The following PCDHGA7 variants were observed in gnomAD, a reference collection of about 807,000 sequenced individuals.
PCDHGA7 encodes the protein protocadherin gamma-A7.
Under a neutral mutation model 58.3 loss-of-function variants are expected in PCDHGA7, and 44 were observed. The observed-to-expected ratio is 0.75, with a 90% CI of 0.59 to 0.97. PCDHGA7 has a LOEUF of 0.97. Among genes scored for constraint, PCDHGA7 ranks in the 50% least tolerant of loss-of-function variants. PCDHGA7 has a pLI of 0.00. For synonymous variants in PCDHGA7, 516 were observed against 504.2 expected (o/e 1.02, Z -0.31); for missense variants, 1,266 against 1,188.7 (o/e 1.06, Z -0.96).
intron 2 of PCDHGA7, among the ~76,000 whole-genome samples, chr5:141,497,132 G>T (rs2099774325): frequency 6.6e-6 from 1 of 152,046 alleles, no homozygotes; most frequent in Non-Finnish European, 1.5e-5. Context: ...GTTGCAGTGA[G>T]CTGAGATCAC....
intron 1 of PCDHGA7, chr5:141,433,023 A>C: frequency 6.2e-7 from 1 of 1,614,084 alleles, no homozygotes; most frequent in East Asian, 2.2e-5. Context: ...ACCTATTCCC[A>C]CGAGGTTTCC....
chr5:141,508,725 G>C (rs1447443196), intron 3 of PCDHGA7, among the ~76,000 whole-genome samples: 1 of 151,788 alleles, frequency 6.6e-6, no homozygotes, highest in Non-Finnish European at 1.5e-5. Flanking sequence ...TGTGCAGGGA[G>C]ACTACACCCC....
chr5:141,404,630 C>T (rs1391155615), intron 1 of PCDHGA7: 1 of 1,614,154 alleles, frequency 6.2e-7, no homozygotes, highest in Admixed American at 1.7e-5. Flanking sequence ...TGACAATGCC[C>T]CAGAAATCCT....
chr5:141,395,547 TGTGTGTGTGTGTGTGTGTGTGTG>T, intron 1 of PCDHGA7: 1 of 173,894 alleles, frequency 5.8e-6, no homozygotes, highest in Non-Finnish European at 1.2e-5. Context: ...ATTGTTTGTG[TGTGTGTGTGTGTGTGTGTGTGTG>T]TGTGTGTGTG....
Position 141,384,278 on chromosome 5 carries a change from A to T in PCDHGA7, c.1379A>T (p.Tyr460Phe). The change falls in exon 1 of 4, where the codon TAC (tyrosine) becomes TTC (phenylalanine). Residue 460 changes from tyrosine (Y) to phenylalanine (F), a missense_variant. By Grantham distance (22) the Tyr-to-Phe change is conservative (BLOSUM62 3). Coordinates refer to ENST00000518325, the MANE Select transcript of PCDHGA7 (RefSeq NM_018920.4). ...TTCCCCCACTCATCCTACTCAGTCT[A>T]CATCGCTGAGAACAACCCCAGAGGG... ...PTFPHSSYSV[Y>F]IAENNPRGAS... The T allele has an allele frequency of 6.2e-7, 1 of 1,613,842 alleles. No individual in the cohort carries two copies. Among genetic ancestry groups the T allele is most frequent in the Non-Finnish European group, 8.5e-7 (1 of 1,179,882 alleles).
rs758065876 is a variant in PCDHGA7 at position 141,422,916 on chromosome 5, C to A, written c.2424+37593C>A. 5.6e-6 allele frequency: 9 copies of A among 1,614,260 alleles called. No homozygotes were observed. In the South Asian group the frequency reaches 9.9e-5, roughly 18 times the overall value. ...ACCAGAACGACAATGCGCCCGAGAT[C>A]CTGTACCCTGCCCTCCCCACAGACG... On this transcript the variant is annotated intron_variant, in intron 1 of 3. Coordinates refer to ENST00000518325, the MANE Select transcript of PCDHGA7 (RefSeq NM_018920.4).
At position 141,490,370 on chromosome 5, in the gene PCDHGA7, G is replaced by A. The variant is rs768474199; in HGVS notation, c.2425-4437G>A. Reference sequence around the variant, plus strand: ...GTGGGGTTGTTTAATGTGCGAGACCGGGACTCAGGTAGAAATGGTGAAGTG... The same window carrying A: ...GTGGGGTTGTTTAATGTGCGAGACCAGGACTCAGGTAGAAATGGTGAAGTG... On this transcript the variant is annotated intron_variant, in intron 1 of 3. Coordinates refer to ENST00000518325, the MANE Select transcript of PCDHGA7 (RefSeq NM_018920.4). The surrounding 1 kb of genome is among the most constrained non-coding windows in gnomAD (Gnocchi z 5.4). 32 of 1,614,054 alleles carry A rather than the reference G, an allele frequency of 2.0e-5. No homozygotes were observed. The highest frequency in any genetic ancestry group is 1.0e-4 in the Admixed American group (6 of 60,006).
rs144113016 is a variant in PCDHGA7 at position 141,428,135 on chromosome 5, G to T, written c.2424+42812G>T. On this transcript the variant is annotated intron_variant, in intron 1 of 3. Coordinates refer to ENST00000518325, the MANE Select transcript of PCDHGA7 (RefSeq NM_018920.4). Reference sequence around the variant, plus strand: ...CCATCGAGCCCGGGCTTTTCAGCCTGGGGCTGCACACGGGAACCTGCTGGT... The same window carrying T: ...CCATCGAGCCCGGGCTTTTCAGCCTTGGGCTGCACACGGGAACCTGCTGGT... 347 of 1,601,046 alleles carry T rather than the reference G, an allele frequency of 2.2e-4. No homozygotes were observed. The African/African-American group carries it at 3.9e-3, about 18-fold the overall frequency.
At chr5:141,388,706 TGCC>T (rs2091460898) in intron 1 of PCDHGA7, 2 of 1,613,856 alleles carry the variant, frequency 1.2e-6, no homozygotes, top group Non-Finnish European at 1.7e-6. Flanking sequence ...AGGGTGTCAA[TGCC>T]GAGATTACTT....
intron 1 of PCDHGA7, among the ~76,000 whole-genome samples, chr5:141,448,728 C>T (rs575604763): frequency 6.6e-6 from 1 of 151,986 alleles, no homozygotes; most frequent in Non-Finnish European, 1.5e-5. Context: ...ATCACGAGGT[C>T]AGGAGATCGA....
rs1236074950 is a variant in PCDHGA7 at position 141,489,119 on chromosome 5, C to G, written c.2425-5688C>G. On this transcript the variant is annotated intron_variant, in intron 1 of 3. Transcript: ENST00000518325. This position sits in a 1 kb window ranked among gnomAD's most constrained non-coding sequence, Gnocchi z 4.5. ...GAACTGCTGCAAGCAGGCAAACCTC[C>G]GAGCAGTTTTTAAGAGGCTGGAAGG... The G allele has an allele frequency of 1.5e-6, 1 of 650,358 alleles. No individual in the cohort carries two copies. Among genetic ancestry groups the G allele is most frequent in the Non-Finnish European group, 2.5e-6 (1 of 400,690 alleles). The allele number at this position is 650,358 out of a possible 1,614,324, so 40.3% of individuals were successfully genotyped here. A position where few individuals can be genotyped will look rare whatever the true frequency, so the allele number is the denominator to read the frequency against.
At chr5:141,415,450 C>A (rs774745130) in intron 1 of PCDHGA7, 44 of 1,614,086 alleles carry the variant, frequency 2.7e-5, no homozygotes, top group Non-Finnish European at 3.4e-5. Context: ...GACCTATTCC[C>A]ACGAGGTCTC....
At chr5:141,450,006 CTTTTTT>C (rs1554136305) in intron 1 of PCDHGA7, among the ~76,000 whole-genome samples, 7,115 of 132,964 alleles carry the variant, frequency 0.054, 434 homozygotes, top group African/African-American at 0.14. Flanking sequence ...TGCCATGTCT[CTTTTTT>C]TTTTTTTTTT....
intron 1 of PCDHGA7, chr5:141,421,396 C>T: frequency 2.5e-6 from 4 of 1,614,036 alleles, no homozygotes; most frequent in South Asian, 1.1e-5. Context: ...GGGGCTGGAG[C>T]CCCGGGAGCT....
chr5:141,489,491 T>C lies in PCDHGA7; in HGVS notation c.2425-5316T>C. On this transcript the variant is annotated intron_variant, in intron 1 of 3. Transcript: ENST00000518325. This position sits in a 1 kb window ranked among gnomAD's most constrained non-coding sequence, Gnocchi z 4.5. ...TCCCTGAGCTTGATGAGTGGTGCCC[T>C]GGCAGTGAATCAAAAGATTGACCGA... The C allele has an allele frequency of 6.2e-7, 1 of 1,614,066 alleles. No individual in the cohort carries two copies. The highest frequency in any genetic ancestry group is 8.5e-7 in the Non-Finnish European group (1 of 1,180,024).
intron 1 of PCDHGA7, among the ~76,000 whole-genome samples, chr5:141,435,715 A>G (rs528951395): frequency 6.6e-6 from 1 of 152,328 alleles, no homozygotes; most frequent in African/African-American, 2.4e-5. Context: ...ACAGACACTG[A>G]ATGCTAAAGT....
At chr5:141,415,476 G>C in intron 1 of PCDHGA7, 1 of 1,614,194 alleles carries the variant, frequency 6.2e-7, no homozygotes, top group Non-Finnish European at 8.5e-7. Context: ...CCGCGGACTC[G>C]CGAAAGAGTC....
Position 141,431,363 on chromosome 5 carries a change from C to A in PCDHGA7, c.2424+46040C>A. ...ATTGGTGCTGAAACGCGCCCTGGAC[C>A]GCGAAGAAAAGGCTGCTCACCACCT... On this transcript the variant is annotated intron_variant, in intron 1 of 3. Transcript: ENST00000518325. The surrounding 1 kb of genome is among the most constrained non-coding windows in gnomAD (Gnocchi z 4.8). 1 of 1,614,024 alleles carries A rather than the reference C, an allele frequency of 6.2e-7. No homozygotes were observed. Among genetic ancestry groups the A allele is most frequent in the Non-Finnish European group, 8.5e-7 (1 of 1,180,028 alleles).
chr5:141,419,203 C>T (rs201698529), intron 1 of PCDHGA7: 140 of 1,613,988 alleles, frequency 8.7e-5, no homozygotes, highest in Non-Finnish European at 1.2e-4. Flanking sequence ...TCAATGACAA[C>T]GCGCCGGTTT....
Sources: gnomAD v4.1 joint callset for allele counts (sites outside exome capture counted in the v4.1 genomes callset) on GRCh38, gnomAD v4.1.1 for gene constraint, Gnocchi (gnomAD v3.1) non-coding constraint, MANE v1.5 for transcripts, NCBI Gene and HGNC (gene_info 2026-07-23, HGNC 2026-07-21) for gene names.